Variants in WWOX observed in about 807,000 individuals in gnomAD.
The protein encoded by WWOX is WW domain containing oxidoreductase.
In WWOX, 69 loss-of-function variants were observed where a neutral mutation model predicts 46.2. The ratio of observed to expected loss-of-function variants is 1.49; its 90% CI spans 1.23 to 1.82. The LOEUF is 1.82. Ranked by LOEUF, WWOX falls within the 40% of genes most tolerant of loss-of-function variation. The pLI, the probability that WWOX is intolerant of heterozygous loss-of-function variation, is 0.00. For missense variants in WWOX, 919 were observed against 542.6 expected (o/e 1.69, Z -6.89); for synonymous variants, 359 against 202.6 (o/e 1.77, Z -6.56).
chr16:78,368,291 A>G (rs1229699899), intron 5 of WWOX, among the ~76,000 whole-genome samples: 2 of 152,188 alleles, frequency 1.3e-5, no homozygotes, highest in Non-Finnish European at 1.5e-5. Flanking sequence ...TAGGTCCTAT[A>G]TGAGTGATGA....
chr16:78,841,002 C>A (rs1042502510), intron 8 of WWOX, among the ~76,000 whole-genome samples: 2 of 152,016 alleles, frequency 1.3e-5, no homozygotes, highest in African/African-American at 4.8e-5. Context: ...CAGGTGGGGT[C>A]CACGGGTCCA....
In WWOX at chr16:78,984,741, C is replaced by T. The variant is rs188685532; in HGVS notation, c.1057-226867C>T. ...GTAATACCGTTTAGTTAGAAGTGGT[C>T]AGACTTTCTTCGTCCTCTTTTCGTG... On this transcript the variant is annotated intron_variant, in intron 8 of 8. Transcript: ENST00000566780. Among the ~76,000 whole-genome samples the T allele has an allele frequency of 2.8e-4, 43 of 152,288 alleles. 1 individual carries two copies. Among genetic ancestry groups the T allele is most frequent in the Non-Finnish European group, 5.4e-4 (37 of 68,030 alleles).
intron 8 of WWOX, among the ~76,000 whole-genome samples, chr16:78,931,979 T>G (rs1433058622): frequency 6.6e-6 from 1 of 152,238 alleles, no homozygotes; most frequent in Non-Finnish European, 1.5e-5. Flanking sequence ...CAAACTCTCT[T>G]GCCTGCTGCC....
At chr16:78,498,274 T>C (rs1364892083) in intron 8 of WWOX, among the ~76,000 whole-genome samples, 1 of 151,998 alleles carries the variant, frequency 6.6e-6, no homozygotes, top group Non-Finnish European at 1.5e-5. Context: ...ATAATGCTGT[T>C]AGACTTCTTA....
At chr16:79,078,928 C>A (rs2048709734) in intron 8 of WWOX, among the ~76,000 whole-genome samples, 1 of 152,162 alleles carries the variant, frequency 6.6e-6, no homozygotes, top group Admixed American at 6.5e-5. Context: ...AGGCCTCTCC[C>A]AACCAGAGAT....
intron 8 of WWOX, among the ~76,000 whole-genome samples, chr16:78,868,177 A>G (rs2044047841): frequency 6.6e-6 from 1 of 152,250 alleles, no homozygotes; most frequent in Non-Finnish European, 1.5e-5. Flanking sequence ...TATCGACACA[A>G]TGGAATACTA....
intron 8 of WWOX, among the ~76,000 whole-genome samples, chr16:79,052,907 A>T (rs1359332867): frequency 6.7e-6 from 1 of 150,064 alleles, no homozygotes; most frequent in Non-Finnish European, 1.5e-5. Flanking sequence ...AATCGATCTG[A>T]AATTGACACA....
intron 8 of WWOX, among the ~76,000 whole-genome samples, chr16:78,747,298 T>A (rs983546627): frequency 1.6e-4 from 24 of 151,674 alleles, no homozygotes; most frequent in Admixed American, 1.5e-3. Context: ...TTCAAGCAAT[T>A]CTCTAGCCTC....
At chr16:78,613,104 T>A (rs965069482) in intron 8 of WWOX, among the ~76,000 whole-genome samples, 5 of 152,040 alleles carry the variant, frequency 3.3e-5, no homozygotes, top group Admixed American at 2.6e-4. Flanking sequence ...CCTCAGCTTC[T>A]CTTGCATGGG....
intron 4 of WWOX, among the ~76,000 whole-genome samples, chr16:78,124,623 A>G (rs1025764627): frequency 6.6e-6 from 1 of 152,218 alleles, no homozygotes; most frequent in South Asian, 2.1e-4. Flanking sequence ...GGCTTCATAA[A>G]TAACGGTACA....
At chr16:78,848,403 A>G (rs555861142) in intron 8 of WWOX, among the ~76,000 whole-genome samples, 1 of 152,342 alleles carries the variant, frequency 6.6e-6, no homozygotes, top group South Asian at 2.1e-4. Flanking sequence ...GGACTAGACC[A>G]GCACCTCGAG....
intron 8 of WWOX, among the ~76,000 whole-genome samples, chr16:78,914,884 A>G (rs2045210227): frequency 6.7e-6 from 1 of 148,822 alleles, no homozygotes; most frequent in African/African-American, 2.5e-5. Flanking sequence ...GCCTCAGAAA[A>G]AAAAAAAAAA....
At chr16:78,299,397 C>G (rs1195583986) in intron 5 of WWOX, among the ~76,000 whole-genome samples, 2 of 152,120 alleles carry the variant, frequency 1.3e-5, no homozygotes, top group African/African-American at 2.4e-5. Context: ...ATGAAAACAA[C>G]CAAGAATAGT....
At chr16:78,431,480 C>A (rs2083215503) in intron 7 of WWOX, among the ~76,000 whole-genome samples, 1 of 152,006 alleles carries the variant, frequency 6.6e-6, no homozygotes, top group South Asian at 2.1e-4. Context: ...CCAGGAAAGC[C>A]CTGTCAAAGG....
chr16:78,184,342 G>A (rs1025834837), intron 5 of WWOX, among the ~76,000 whole-genome samples: 1 of 152,054 alleles, frequency 6.6e-6, no homozygotes, highest in African/African-American at 2.4e-5. Context: ...GATTCGCTTG[G>A]TGTTTTCTCA....
intron 8 of WWOX, among the ~76,000 whole-genome samples, chr16:79,194,826 A>G (rs1009249476): frequency 3.3e-5 from 5 of 152,190 alleles, no homozygotes; most frequent in African/African-American, 1.2e-4. Context: ...AGTGCATACA[A>G]AAACGCCTAA....
intron 8 of WWOX, among the ~76,000 whole-genome samples, chr16:78,930,287 A>AATT (rs2045595297): frequency 1.1e-5 from 1 of 90,162 alleles, no homozygotes; most frequent in African/African-American, 4.4e-5. Context: ...TTCTTTTTTT[A>AATT]TTTTTTTTTT....
intron 8 of WWOX, among the ~76,000 whole-genome samples, chr16:79,176,618 G>C (rs575918759): frequency 6.6e-6 from 1 of 152,282 alleles, no homozygotes; most frequent in South Asian, 2.1e-4. Context: ...ACTGATGTCT[G>C]TGTGTCTTCA....
At chr16:78,319,062 G>T (rs1202487604) in intron 5 of WWOX, among the ~76,000 whole-genome samples, 1 of 152,198 alleles carries the variant, frequency 6.6e-6, no homozygotes, top group Non-Finnish European at 1.5e-5. Flanking sequence ...GTTGGGCACA[G>T]TGTAATTGCC....
Sources: allele counts gnomAD v4.1 joint callset (sites outside exome capture counted in the v4.1 genomes callset), GRCh38; gene constraint gnomAD v4.1.1; transcripts MANE v1.5; gene names NCBI Gene and HGNC (gene_info 2026-07-23, HGNC 2026-07-21).